The following NLRC3 variants were observed in gnomAD, a reference collection of about 807,000 sequenced individuals.
The protein encoded by NLRC3 is NLR family CARD domain containing 3, also known as NLR family CARD domain-containing protein 3.
A neutral mutation model predicts 91.6 loss-of-function variants in NLRC3; 87 were observed. That is an observed-to-expected ratio of 0.95 (90% CI 0.80 to 1.14). The LOEUF (loss-of-function observed/expected upper bound fraction) is 1.14. Among genes scored for constraint, NLRC3 ranks in the 50% most tolerant of loss-of-function variants. The pLI is 0.00. For synonymous variants in NLRC3, 694 were observed against 625.3 expected (o/e 1.11, Z -1.64); for missense variants, 1,577 against 1,418.6 (o/e 1.11, Z -1.79).
intron 10 of NLRC3, among the ~76,000 whole-genome samples, chr16:3,550,918 C>G (rs1596451159): frequency 1.3e-5 from 2 of 152,256 alleles, no homozygotes; most frequent in African/African-American, 4.8e-5. Flanking sequence ...AACCAGCACT[C>G]ACACTTCCAT....
At chr16:3,542,103 G>T (rs898267906) in intron 19 of NLRC3, 88 bp downstream of exon 19, 24 of 984,326 alleles carry the variant, frequency 2.4e-5, no homozygotes, top group Non-Finnish European at 3.8e-5. Flanking sequence ...AAGCGTCTGG[G>T]GGTCAGCTGG....
In NLRC3 at chr16:3,577,314, C is replaced by T. The variant is rs999736675; in HGVS notation, c.-334G>A. On this transcript the variant is annotated 5_prime_UTR_variant, in exon 1 of 20. In the 5' UTR this introduces an upstream ATG that the reference lacks. Transcript: ENST00000359128. ...GGACCAGGGATCAGGGCACTTACCA[C>T]GCCAACCAACCAACCGTGTGGGGGC... is the stretch of plus-strand genomic sequence containing the variant. 3.4e-5 allele frequency: 22 copies of T among 655,346 alleles called. No homozygotes were observed. The highest frequency in any genetic ancestry group is 1.6e-4 in the African/African-American group (9 of 56,200). 40.6% of individuals were successfully genotyped at this position (655,346 alleles called of 1,614,324 possible).
At chr16:3,542,588 G>A in intron 18 of NLRC3, 104 bp downstream of exon 18, 1 of 705,932 alleles carries the variant, frequency 1.4e-6, no homozygotes, top group Non-Finnish European at 2.5e-6. Context: ...ATATTCAGAA[G>A]GAAATAGCTA....
Position 3,565,017 on chromosome 16 carries a change from C to G in NLRC3, c.20G>C (p.Arg7Pro). 1 of 1,609,972 alleles carries G rather than the reference C, an allele frequency of 6.2e-7. No individual in the cohort carries two copies. The highest frequency in any genetic ancestry group is 8.5e-7 in the Non-Finnish European group (1 of 1,179,696). ...GCCCTGGCCGGCCTCCCTGCCCGTC[C>G]GCACCTCTTGCTTCCTCATGGAGTC... MRKQEV[R>P]TGREAGQGHG... Residue 7 changes from arginine (R) to proline (P), a missense_variant, in exon 4 of 20, where the codon CGG becomes CCG. Coordinates refer to ENST00000359128, the MANE Select transcript of NLRC3 (RefSeq NM_178844.4).
At position 3,541,538 on chromosome 16, in the gene NLRC3, T is replaced by G. The variant is rs1020789912; in HGVS notation, c.*287A>C. 9.2e-6 allele frequency: 4 copies of G among 436,900 alleles called. No individual in the cohort carries two copies. Among genetic ancestry groups the G allele is most frequent in the Non-Finnish European group, 1.7e-5 (4 of 241,132 alleles). 27.1% of individuals were successfully genotyped at this position (436,900 alleles called of 1,614,324 possible). On this transcript the variant is annotated 3_prime_UTR_variant, in exon 20 of 20. Transcript: ENST00000359128. Reference sequence around the variant, plus strand: ...GGGTGTAAAGCTGGAACCAGCCTCCTGTACTGCTCAGCTTTCAGGCCTTTG... The same window carrying G: ...GGGTGTAAAGCTGGAACCAGCCTCCGGTACTGCTCAGCTTTCAGGCCTTTG...
At chr16:3,574,421 G>A (rs1313747746) in intron 1 of NLRC3, among the ~76,000 whole-genome samples, 1 of 152,100 alleles carries the variant, frequency 6.6e-6, no homozygotes, top group African/African-American at 2.4e-5. Flanking sequence ...GAGAACCACG[G>A]GACCCGAGCG....
chr16:3,546,751 G>C (rs1224220356), intron 15 of NLRC3, among the ~76,000 whole-genome samples: 1 of 152,136 alleles, frequency 6.6e-6, no homozygotes, highest in African/African-American at 2.4e-5. Flanking sequence ...CAGGTCTAGG[G>C]TTGAGGAGAG....
chr16:3,548,211 A>G lies in NLRC3; in HGVS notation c.2695T>C (p.Trp899Arg), dbSNP rs755102294. 6.3e-7 allele frequency: 1 copy of G among 1,591,222 alleles called. No individual in the cohort carries two copies. Among genetic ancestry groups the G allele is most frequent in the East Asian group, 2.3e-5 (1 of 43,992 alleles). Residue 899 changes from tryptophan to arginine, a missense_variant, in exon 15 of 20, where the codon TGG becomes CGG. Trp to Arg is a moderately radical substitution (Grantham distance 101). Coordinates refer to ENST00000359128, the MANE Select transcript of NLRC3 (RefSeq NM_178844.4). ...NRTLTSLHLQ[W>R]NFIQAGAAQA... ...GCAGCGCCGGCCTGGATGAAGTTCC[A>G]CTGCAGGCTGGGCAGACACAGACAC... is the stretch of plus-strand genomic sequence containing the variant.
At chr16:3,556,419 A>G (rs2039334439) in intron 8 of NLRC3, among the ~76,000 whole-genome samples, 2 of 149,340 alleles carry the variant, frequency 1.3e-5, no homozygotes, top group African/African-American at 2.4e-5. Flanking sequence ...GCTCAAGTCT[A>G]GGGAAGAGCT....
At chr16:3,576,333 G>A (rs1428784221) in intron 1 of NLRC3, among the ~76,000 whole-genome samples, 1 of 152,208 alleles carries the variant, frequency 6.6e-6, no homozygotes, top group East Asian at 1.9e-4. Flanking sequence ...GGGCAGGAGA[G>A]GCCCTGGGGC....
intron 12 of NLRC3, 103 bp from the exon 13 acceptor site, chr16:3,549,328 C>T (rs985380193): frequency 1.4e-5 from 12 of 841,882 alleles, no homozygotes; most frequent in East Asian, 1.3e-4. Context: ...AAACTGCAGG[C>T]GGGGGACCTA....
chr16:3,563,720 T>C lies in NLRC3; in HGVS notation c.1217A>G (p.His406Arg), dbSNP rs1408693555. Residue 406 changes from histidine (H) to arginine (R), a missense_variant, in exon 5 of 20, where the codon CAT (histidine) becomes CGT (arginine). By Grantham distance (29) the His-to-Arg change is conservative. Coordinates refer to ENST00000359128, the MANE Select transcript of NLRC3 (RefSeq NM_178844.4). ...MVGTLGRLAF[H>R]GLLKKKYVFY... ...CACGTATTTCTTCTTGAGCAGCCCA[T>C]GGAAGGCCAGACGGCCCAATGTCCC... The C allele has an allele frequency of 8.1e-6, 13 of 1,613,574 alleles. No individual in the cohort carries two copies. Among genetic ancestry groups the C allele is most frequent in the Non-Finnish European group, 1.0e-5 (12 of 1,179,792 alleles).
At chr16:3,554,220 G>A (rs763288232) in intron 9 of NLRC3, 22 bp downstream of exon 9, 1 of 1,559,296 alleles carries the variant, frequency 6.4e-7, no homozygotes, top group East Asian at 2.2e-5. Context: ...AGAAGGGGGA[G>A]AGAGGAGATG....
chr16:3,550,625 A>C, intron 10 of NLRC3, 128 bp from the exon 11 acceptor site: 1 of 667,412 alleles, frequency 1.5e-6, no homozygotes, highest in Non-Finnish European at 2.7e-6. Context: ...GCCAGTGCAC[A>C]GTTTGTTCTG....
At position 3,552,293 on chromosome 16, in the gene NLRC3, G is replaced by A. The variant is rs755571444; in HGVS notation, c.2268-14C>T. ...TTCTTCTGCAGGCTGTGGGAGAAAA[G>A]AGAGGGGTCCTTTAGAAAGGCTGGT... is the stretch of plus-strand genomic sequence containing the variant. On this transcript the variant is annotated splice_polypyrimidine_tract_variant and intron_variant, in intron 9 of 19. Transcript: ENST00000359128. 2.5e-6 allele frequency: 4 copies of A among 1,601,226 alleles called. No individual in the cohort carries two copies. The highest frequency in any genetic ancestry group is 3.4e-6 in the Non-Finnish European group (4 of 1,168,454).
chr16:3,552,378 CT>C, intron 9 of NLRC3, 99 bp from the exon 10 acceptor site: 1 of 806,154 alleles, frequency 1.2e-6, no homozygotes. Flanking sequence ...CTAGTGTGCC[CT>C]CTACATTTAT....
chr16:3,571,280 TATGAG>T (rs1363694693), intron 1 of NLRC3, among the ~76,000 whole-genome samples: 1 of 151,238 alleles, frequency 6.6e-6, no homozygotes, highest in East Asian at 1.9e-4. Context: ...AATAAGAAAA[TATGAG>T]ATAATATTTT....
chr16:3,555,098 C>T (rs912926398), intron 8 of NLRC3, among the ~76,000 whole-genome samples: 2 of 152,086 alleles, frequency 1.3e-5, no homozygotes, highest in African/African-American at 4.8e-5. Flanking sequence ...GGTGTGGTGG[C>T]ACATGCCTGT....
rs1396117874 is a variant in NLRC3, at chr16:3,553,443, C to T, written c.2267+799G>A. 5.3e-5 allele frequency among the ~76,000 whole-genome samples: 8 copies of T among 152,176 alleles called. No individual in the cohort carries two copies. The East Asian group carries it at 1.5e-3, about 29-fold the overall frequency. ...TCATAGAGATAAAAGCTTTACTTTTCCTTTGGATAAAAGCAATTAGGGACC... is the reference window on the plus strand; with the variant it reads ...TCATAGAGATAAAAGCTTTACTTTTTCTTTGGATAAAAGCAATTAGGGACC... On this transcript the variant is annotated intron_variant, in intron 9 of 19. Coordinates refer to ENST00000359128, the MANE Select transcript of NLRC3 (RefSeq NM_178844.4).
Sources: gnomAD v4.1 joint callset for allele counts (sites outside exome capture counted in the v4.1 genomes callset) on GRCh38, gnomAD v4.1.1 for gene constraint, MANE v1.5 for transcripts, NCBI Gene and HGNC (gene_info 2026-07-23, HGNC 2026-07-21) for gene names.